Variants in EPHB1 observed in about 807,000 individuals in gnomAD.
EPHB1 encodes the protein EPH receptor B1, also known as ephrin type-B receptor 1.
EPHB1 carries 30 observed loss-of-function variants against 94.4 expected under a neutral mutation model. That is an observed-to-expected ratio of 0.32 (90% CI 0.24 to 0.43). The LOEUF (loss-of-function observed/expected upper bound fraction) is 0.43, where lower values mean the gene tolerates loss of function less well. Among genes scored for constraint, EPHB1 ranks in the 20% least tolerant of loss-of-function variants. The pLI is 1.00. For synonymous variants in EPHB1, 522 were observed against 489.1 expected, an observed-to-expected ratio of 1.07 and a Z score of -0.89; for missense variants, 1,055 against 1,308.3, an observed-to-expected ratio of 0.81 and a Z score of 2.99.
chr3:134,911,578 T>C (rs2038455957), intron 1 of EPHB1, among the ~76,000 whole-genome samples: 1 of 152,040 alleles, frequency 6.6e-6, no homozygotes. Context: ...GCTGAGGTCT[T>C]GAACTGGAGA....
chr3:134,993,793 C>A (rs1234042090), intron 3 of EPHB1, among the ~76,000 whole-genome samples: 1 of 152,216 alleles, frequency 6.6e-6, no homozygotes, highest in Non-Finnish European at 1.5e-5. Context: ...TTCGTGAGAT[C>A]TTAGGTTGAT....
intron 12 of EPHB1, among the ~76,000 whole-genome samples, chr3:135,208,290 CGTGTGTGTGTGTGTGTGTGT>C (rs55947191): frequency 1.9e-4 from 27 of 142,782 alleles, no homozygotes; most frequent in Middle Eastern, 3.7e-3. Context: ...CCTTTCATGA[CGTGTGTGTGTGTGTGTGTGT>C]GTGTGTGTGT....
chr3:134,853,050 C>T lies in EPHB1; in HGVS notation c.58+57361C>T, dbSNP rs571309072. Among the ~76,000 whole-genome samples the T allele has an allele frequency of 4.0e-5, 6 of 151,836 alleles. No homozygotes were observed. In the East Asian group the frequency reaches 5.8e-4, roughly 15 times the overall value. ...TGAAGAAGAGGAAGCAAGTGGAGCC[C>T]GAGTCGGGAGGGAGAGAAAGAAAGA... On this transcript the variant is annotated intron_variant, in intron 1 of 15. Transcript: ENST00000398015.
intron 6 of EPHB1, 123 bp downstream of exon 6, chr3:135,154,399 C>T (rs909820051): frequency 7.2e-7 from 1 of 1,382,104 alleles, no homozygotes; most frequent in Non-Finnish European, 9.8e-7. Flanking sequence ...GTGACAGAGG[C>T]CAGAAGGTCC....
At chr3:135,151,316 C>T (rs1203999145) in intron 5 of EPHB1, among the ~76,000 whole-genome samples, 1 of 152,138 alleles carries the variant, frequency 6.6e-6, no homozygotes, top group Non-Finnish European at 1.5e-5. Context: ...GTGGACTCCT[C>T]TCTTCTGGGT....
intron 3 of EPHB1, among the ~76,000 whole-genome samples, chr3:135,043,664 A>G (rs1437373033): frequency 6.6e-6 from 1 of 152,218 alleles, no homozygotes; most frequent in Non-Finnish European, 1.5e-5. Flanking sequence ...TGCTCCCTCC[A>G]CATAAGGTCC....
At chr3:135,044,863 A>G (rs1250439448) in intron 3 of EPHB1, among the ~76,000 whole-genome samples, 1 of 151,760 alleles carries the variant, frequency 6.6e-6, no homozygotes, top group Non-Finnish European at 1.5e-5. Flanking sequence ...ATAGTATAGA[A>G]ATGTTTTTTC....
chr3:134,957,972 GTC>G (rs1407256790), intron 3 of EPHB1, among the ~76,000 whole-genome samples: 3 of 152,168 alleles, frequency 2.0e-5, no homozygotes, highest in African/African-American at 4.8e-5. Flanking sequence ...CCCATTTGGT[GTC>G]TCTCTGCAAG....
intron 1 of EPHB1, among the ~76,000 whole-genome samples, chr3:134,844,856 C>G (rs958141436): frequency 6.6e-6 from 1 of 152,214 alleles, no homozygotes; most frequent in Admixed American, 6.5e-5. Flanking sequence ...TCCCTCTGCT[C>G]TAGCCACAAG....
chr3:134,810,464 A>G (rs532468127), intron 1 of EPHB1, among the ~76,000 whole-genome samples: 2 of 152,306 alleles, frequency 1.3e-5, no homozygotes, highest in East Asian at 3.9e-4. Flanking sequence ...GGAAGACGCT[A>G]TTCAGGAAAG....
chr3:134,801,221 C>T (rs979641808), intron 1 of EPHB1, among the ~76,000 whole-genome samples: 1 of 152,230 alleles, frequency 6.6e-6, no homozygotes, highest in Non-Finnish European at 1.5e-5. Context: ...TTCCTCCTAA[C>T]TCCACTATTC....
chr3:134,975,701 T>G (rs918746938), intron 3 of EPHB1, among the ~76,000 whole-genome samples: 1 of 152,056 alleles, frequency 6.6e-6, no homozygotes, highest in East Asian at 1.9e-4. Flanking sequence ...ATTATAGGCA[T>G]AGGTTAAAGT....
At chr3:135,138,140 C>T (rs1687132935) in intron 5 of EPHB1, among the ~76,000 whole-genome samples, 2 of 152,238 alleles carry the variant, frequency 1.3e-5, no homozygotes, top group African/African-American at 2.4e-5. Context: ...ATATTACATG[C>T]AGTTCATGTA....
At chr3:134,911,525 C>T (rs1320212588) in intron 1 of EPHB1, among the ~76,000 whole-genome samples, 1 of 152,068 alleles carries the variant, frequency 6.6e-6, no homozygotes, top group Non-Finnish European at 1.5e-5. Flanking sequence ...GGGTAGAAGT[C>T]TGGGGGCTGC....
chr3:135,076,370 A>T (rs1937922283), intron 3 of EPHB1, among the ~76,000 whole-genome samples: 1 of 152,052 alleles, frequency 6.6e-6, no homozygotes, highest in African/African-American at 2.4e-5. Context: ...ATACACATGA[A>T]AATATGCCCA....
chr3:135,096,306 A>T (rs1195627589), intron 3 of EPHB1, among the ~76,000 whole-genome samples: 1 of 152,210 alleles, frequency 6.6e-6, no homozygotes, highest in East Asian at 1.9e-4. Context: ...TTAAGATCAC[A>T]CAGCTAGAAC....
At chr3:135,247,741 G>A (rs1304364376) in intron 13 of EPHB1, among the ~76,000 whole-genome samples, 1 of 152,202 alleles carries the variant, frequency 6.6e-6, no homozygotes, top group Non-Finnish European at 1.5e-5. Context: ...GCCCATTCAT[G>A]TTGCTGCCTC....
chr3:135,236,676 C>T (rs1331037478), intron 12 of EPHB1, among the ~76,000 whole-genome samples: 1 of 152,164 alleles, frequency 6.6e-6, no homozygotes, highest in African/African-American at 2.4e-5. Flanking sequence ...TTCCAAACTT[C>T]AAGGGGATCC....
intron 3 of EPHB1, among the ~76,000 whole-genome samples, chr3:135,010,534 C>T (rs1487745030): frequency 6.7e-6 from 1 of 149,540 alleles, no homozygotes; most frequent in African/African-American, 2.5e-5. Context: ...CTGAGGTGGG[C>T]CCTGAGGGTC....
Sources: allele counts gnomAD v4.1 joint callset (sites outside exome capture counted in the v4.1 genomes callset), GRCh38; gene constraint gnomAD v4.1.1; transcripts MANE v1.5; gene names NCBI Gene and HGNC (gene_info 2026-07-23, HGNC 2026-07-21).